Variants in SLC22A15 observed in about 807,000 individuals in gnomAD.
SLC22A15 encodes the protein flipt 1.
Under a neutral mutation model 62.7 loss-of-function variants are expected in SLC22A15, and 45 were observed. The ratio of observed to expected loss-of-function variants is 0.72; its 90% CI spans 0.56 to 0.92. The LOEUF (loss-of-function observed/expected upper bound fraction) is 0.92. Among genes scored for constraint, SLC22A15 ranks in the 40% least tolerant of loss-of-function variants. The pLI is 0.00. For missense variants in SLC22A15, 622 were observed against 665.6 expected (o/e 0.93, Z 0.72); for synonymous variants, 264 against 267.0 (o/e 0.99, Z 0.11).
rs112199903 is a variant in SLC22A15 at position 116,048,576 on chromosome 1, A to G, written c.1171+11188A>G. Among the ~76,000 whole-genome samples, 4 of 152,334 alleles carry G rather than the reference A, an allele frequency of 2.6e-5. 1 individual carries two copies. Among genetic ancestry groups the G allele is most frequent in the African/African-American group, 7.2e-5 (3 of 41,568 alleles). ...CAAACTACCACTACAAGAACTGCTA[A>G]AAGGAGCTCTAAATCTTGAAACAAA... is the stretch of plus-strand genomic sequence containing the variant. On this transcript the variant is annotated intron_variant, in intron 8 of 11. Transcript: ENST00000369503.
Position 116,035,327 on chromosome 1 carries a change from G to A in SLC22A15, c.1085G>A (p.Trp362Ter). ...TGTATCTACTTGATTAACCAAAAAT[G>A]GTGAGTAAGTGTGGATGAATATGAA... The part of the protein sequence containing the change: ...PLCIYLINQK[W>*]FGRKRTLSAF... Residue 362 changes from tryptophan to a stop codon, truncating the protein, a stop_gained and splice_region_variant, in exon 7 of 12, where the codon TGG becomes TAG. Coordinates refer to ENST00000369503, the MANE Select transcript of SLC22A15 (RefSeq NM_018420.3). LOFTEE classifies it high-confidence loss of function. 6.2e-7 allele frequency: 1 copy of A among 1,611,302 alleles called. No individual in the cohort carries two copies. Among genetic ancestry groups the A allele is most frequent in the South Asian group, 1.1e-5 (1 of 90,600 alleles).
intron 7 of SLC22A15, 135 bp downstream of exon 7, chr1:116,035,462 G>T: frequency 4.5e-6 from 3 of 665,092 alleles, no homozygotes; most frequent in South Asian, 5.3e-5. Flanking sequence ...GGTGATTAGA[G>T]TTTCTTTCCA....
Position 116,066,510 on chromosome 1 carries a change from G to T in SLC22A15, c.1366-10G>T. ...CTGGTTTATTTTCATTCCACTCCCC[G>T]CCTCTGCAGAAATATGTGCAATGGT... is the stretch of plus-strand genomic sequence containing the variant. On this transcript the variant is annotated splice_polypyrimidine_tract_variant and intron_variant, in intron 10 of 11. Transcript: ENST00000369503. 6.5e-7 allele frequency: 1 copy of T among 1,538,058 alleles called. No homozygotes were observed. The highest frequency in any genetic ancestry group is 8.9e-7 in the Non-Finnish European group (1 of 1,126,976).
intron 5 of SLC22A15, among the ~76,000 whole-genome samples, chr1:116,030,483 A>G (rs1479844347): frequency 1.3e-5 from 2 of 152,170 alleles, no homozygotes; most frequent in Non-Finnish European, 2.9e-5. Context: ...TGTCTTGTAA[A>G]CAAGGCTTCC....
At chr1:116,066,418 A>G (rs2101581162) in intron 10 of SLC22A15, 102 bp from the exon 11 acceptor site, 1 of 1,027,472 alleles carries the variant, frequency 9.7e-7, no homozygotes, top group East Asian at 2.6e-5. Flanking sequence ...GTCATGAACT[A>G]GGTGGTAAAC....
intron 10 of SLC22A15, 55 bp downstream of exon 10, chr1:116,064,563 T>G: frequency 8.3e-7 from 1 of 1,198,890 alleles, no homozygotes; most frequent in South Asian, 1.2e-5. Flanking sequence ...TGGAAATGCT[T>G]ATGCTTTTTA....
At chr1:115,986,389 G>A (rs1261427810) in intron 1 of SLC22A15, among the ~76,000 whole-genome samples, 1 of 152,096 alleles carries the variant, frequency 6.6e-6, no homozygotes, top group African/African-American at 2.4e-5. Context: ...TTGAAAATTA[G>A]AGTTGAACTA....
At chr1:116,028,996 G>T (rs1457005589) in intron 5 of SLC22A15, among the ~76,000 whole-genome samples, 4 of 151,974 alleles carry the variant, frequency 2.6e-5, no homozygotes, top group African/African-American at 9.7e-5. Flanking sequence ...TTATGTTTCT[G>T]CCTCATAATG....
In SLC22A15 at chr1:116,070,042, A is replaced by G. The variant is rs549339804; in HGVS notation, c.*2934A>G. On this transcript the variant is annotated 3_prime_UTR_variant, in exon 12 of 12. Coordinates refer to ENST00000369503, the MANE Select transcript of SLC22A15 (RefSeq NM_018420.3). The stretch of plus-strand genomic sequence containing the variant: ...TGGCTTCTTGTGAATGTAATAAAGA[A>G]TCATAAAACATAGACCTTTTTTTTG... 1 of 152,306 alleles carries G rather than the reference A, an allele frequency of 6.6e-6. No individual in the cohort carries two copies. The highest frequency in any genetic ancestry group is 1.9e-4 in the East Asian group (1 of 5,190). The allele number at this position is 152,306 out of a possible 1,614,324, so 9.4% of individuals were successfully genotyped here.
chr1:115,977,949 A>G (rs1199722949), intron 1 of SLC22A15, among the ~76,000 whole-genome samples: 1 of 152,216 alleles, frequency 6.6e-6, no homozygotes, highest in Non-Finnish European at 1.5e-5. Context: ...CTAGCCGAAC[A>G]GTTCTCAGCT....
intron 8 of SLC22A15, among the ~76,000 whole-genome samples, chr1:116,050,487 A>T (rs933992272): frequency 1.3e-5 from 2 of 152,218 alleles, no homozygotes; most frequent in Non-Finnish European, 2.9e-5. Flanking sequence ...TAAAAACAAA[A>T]ATCACATGAT....
At position 115,992,159 on chromosome 1, in the gene SLC22A15, T is replaced by A. The variant is rs1655173210; in HGVS notation, c.216T>A (p.Phe72Leu). ...AGTCAGCTGGTGAAGACCAGGCCTT[T>A]GGGGACTGGCTCCTGACAGCCAACG... ...GNQSAGEDQAFGDWLLTANGS... is the reference protein window; with the variant it reads ...GNQSAGEDQALGDWLLTANGS... The change falls in exon 2 of 12, where the codon TTT becomes TTA. Residue 72 changes from phenylalanine (F) to leucine (L), a missense_variant. Physicochemically the swap from Phe to Leu is conservative, Grantham distance 22. Coordinates refer to ENST00000369503, the MANE Select transcript of SLC22A15 (RefSeq NM_018420.3). 6.2e-7 allele frequency: 1 copy of A among 1,612,954 alleles called. No homozygotes were observed. Among genetic ancestry groups the A allele is most frequent in the Non-Finnish European group, 8.5e-7 (1 of 1,179,532 alleles).
intron 8 of SLC22A15, among the ~76,000 whole-genome samples, chr1:116,038,445 G>C (rs1657690872): frequency 6.6e-6 from 1 of 152,156 alleles, no homozygotes; most frequent in African/African-American, 2.4e-5. Context: ...CTCTGCTGTT[G>C]ATTGCCCCCT....
chr1:115,992,171 C>T lies in SLC22A15; in HGVS notation c.228C>T (p.Leu76=), dbSNP rs1655174022. The T allele has an allele frequency of 5.6e-6, 9 of 1,612,340 alleles. 1 individual carries two copies. The highest frequency in any genetic ancestry group is 2.2e-5 in the South Asian group (2 of 90,718). ...AAGACCAGGCCTTTGGGGACTGGCT[C>T]CTGACAGCCAACGGCAGTGAGATCC... ...AGEDQAFGDW[L]LTANGSEIHK... is the part of the protein sequence containing the mutation. Residue 76 remains leucine, a synonymous_variant, in exon 2 of 12, where the codon CTC becomes CTT. Transcript: ENST00000369503.
At chr1:116,056,899 A>G (rs1287060076) in intron 8 of SLC22A15, among the ~76,000 whole-genome samples, 1 of 152,116 alleles carries the variant, frequency 6.6e-6, no homozygotes, top group East Asian at 1.9e-4. Context: ...TTATACAAAA[A>G]TTAATTCAAG....
At chr1:115,986,190 G>T (rs1654854806) in intron 1 of SLC22A15, among the ~76,000 whole-genome samples, 1 of 150,270 alleles carries the variant, frequency 6.7e-6, no homozygotes, top group African/African-American at 2.4e-5. Flanking sequence ...AGAGTTACTA[G>T]TTTTTTTTTC....
chr1:116,017,676 G>A (rs979919517), intron 2 of SLC22A15: 1 of 152,296 alleles, frequency 6.6e-6, no homozygotes, highest in Admixed American at 6.5e-5. Context: ...GACTGGTTGT[G>A]GAAGCATCAG....
intron 6 of SLC22A15, chr1:116,031,962 C>G (rs908459902): frequency 1.9e-6 from 2 of 1,066,892 alleles, no homozygotes; most frequent in African/African-American, 3.4e-5. Context: ...AAAATACTTA[C>G]CTTTGGCACT....
chr1:116,012,908 CT>C (rs1323446640), intron 2 of SLC22A15, among the ~76,000 whole-genome samples: 1 of 152,212 alleles, frequency 6.6e-6, no homozygotes, highest in Non-Finnish European at 1.5e-5. Context: ...TCAGCAGCAG[CT>C]CCCAGTCAGC....
Sources: gnomAD v4.1 joint callset for allele counts (sites outside exome capture counted in the v4.1 genomes callset) on GRCh38, gnomAD v4.1.1 for gene constraint, MANE v1.5 for transcripts, NCBI Gene and HGNC (gene_info 2026-07-23, HGNC 2026-07-21) for gene names.